Variants in TMEM26 observed in about 807,000 individuals in gnomAD.
TMEM26 encodes transmembrane protein 26.
A neutral mutation model predicts 28.8 loss-of-function variants in TMEM26; 38 were observed. That is an observed-to-expected ratio of 1.32 (90% confidence interval 1.02 to 1.73). TMEM26 has a LOEUF of 1.73. Ranked by LOEUF, TMEM26 falls within the 40% of genes most tolerant of loss-of-function variation. The probability of loss-of-function intolerance (pLI) is 0.00; values close to 1 mark genes in which losing one functional copy is unlikely to be tolerated. For missense variants in TMEM26, 518 were observed against 447.1 expected (o/e 1.16, Z -1.43); for synonymous variants, 227 against 182.9 (o/e 1.24, Z -1.95).
intron 2 of TMEM26, among the ~76,000 whole-genome samples, chr10:61,434,850 TG>T (rs1839978504): frequency 6.6e-6 from 1 of 152,190 alleles, no homozygotes; most frequent in Admixed American, 6.5e-5. Context: ...GGTTACATAT[TG>T]GGGGCTTAAC....
At chr10:61,418,554 G>C (rs1333348999) in intron 4 of TMEM26, among the ~76,000 whole-genome samples, 2 of 152,070 alleles carry the variant, frequency 1.3e-5, no homozygotes, top group Admixed American at 6.6e-5. Context: ...TGTCTAAGTT[G>C]ATTCAAGTTT....
At chr10:61,427,947 T>C (rs193139612) in intron 4 of TMEM26, among the ~76,000 whole-genome samples, 208 of 152,218 alleles carry the variant, frequency 1.4e-3, no homozygotes, top group African/African-American at 4.8e-3. Flanking sequence ...TCAATTTAGA[T>C]TGGATTTTTA....
intron 1 of TMEM26, among the ~76,000 whole-genome samples, chr10:61,439,729 G>A (rs1840061913): frequency 1.3e-5 from 2 of 152,140 alleles, no homozygotes; most frequent in South Asian, 4.1e-4. Context: ...GTGTAGTTAT[G>A]AGGATTAAAT....
At chr10:61,441,142 C>CAT (rs1437923529) in intron 1 of TMEM26, among the ~76,000 whole-genome samples, 2 of 152,112 alleles carry the variant, frequency 1.3e-5, no homozygotes, top group Admixed American at 6.6e-5. Context: ...GTGGAGCCTG[C>CAT]ATATATGAAG....
intron 4 of TMEM26, among the ~76,000 whole-genome samples, chr10:61,422,423 A>T (rs1179150074): frequency 6.6e-6 from 1 of 152,144 alleles, no homozygotes; most frequent in Non-Finnish European, 1.5e-5. Context: ...AGTCTCCATA[A>T]ATTTAAAAAA....
At chr10:61,449,184 T>A (rs923033970) in intron 1 of TMEM26, among the ~76,000 whole-genome samples, 13 of 152,224 alleles carry the variant, frequency 8.5e-5, no homozygotes, top group Admixed American at 8.5e-4. Flanking sequence ...AGTACATATT[T>A]TTTTTAGCTT....
chr10:61,427,284 T>C (rs1334303686), intron 4 of TMEM26, among the ~76,000 whole-genome samples: 1 of 152,036 alleles, frequency 6.6e-6, no homozygotes, highest in African/African-American at 2.4e-5. Flanking sequence ...TCTTGAAACA[T>C]TAAGTGCTCC....
chr10:61,438,396 G>T (rs1350267110), intron 1 of TMEM26, among the ~76,000 whole-genome samples: 1 of 152,184 alleles, frequency 6.6e-6, no homozygotes, highest in Non-Finnish European at 1.5e-5. Context: ...TTCTAGGTAA[G>T]AGGGACAGTA....
intron 1 of TMEM26, among the ~76,000 whole-genome samples, chr10:61,451,090 T>G (rs1254503705): frequency 6.6e-6 from 1 of 152,216 alleles, no homozygotes; most frequent in Non-Finnish European, 1.5e-5. Flanking sequence ...ATTATCTGTC[T>G]GATTTTGAGG....
chr10:61,413,411 C>G, intron 5 of TMEM26, 48 bp downstream of exon 5: 3 of 1,596,058 alleles, frequency 1.9e-6, no homozygotes, highest in Non-Finnish European at 2.6e-6. Context: ...AGTTAATAAT[C>G]AAGAGGTGTA....
At chr10:61,414,219 C>T in intron 4 of TMEM26, 1 of 265,688 alleles carries the variant, frequency 3.8e-6, no homozygotes, top group Non-Finnish European at 5.8e-6. Flanking sequence ...TGTCCTAGAC[C>T]TAGGAAAATG....
chr10:61,450,451 T>C (rs1007522787), intron 1 of TMEM26, among the ~76,000 whole-genome samples: 7 of 152,166 alleles, frequency 4.6e-5, no homozygotes, highest in African/African-American at 1.7e-4. Flanking sequence ...TAGCAGCCCA[T>C]GTTCTGATTT....
intron 1 of TMEM26, among the ~76,000 whole-genome samples, chr10:61,442,646 G>T (rs946995037): frequency 6.6e-6 from 1 of 152,130 alleles, no homozygotes; most frequent in Non-Finnish European, 1.5e-5. Context: ...GATTTTGCAT[G>T]TCCTCCGTAA....
chr10:61,412,460 T>C (rs192171515), intron 5 of TMEM26, among the ~76,000 whole-genome samples: 86 of 152,244 alleles, frequency 5.6e-4, no homozygotes, highest in Admixed American at 2.2e-3. Flanking sequence ...AATATCTCTG[T>C]CCTAAGGATT....
chr10:61,409,119 T>C lies in TMEM26; in HGVS notation c.*1203A>G, dbSNP rs1173687915. On this transcript the variant is annotated 3_prime_UTR_variant, in exon 6 of 6. Transcript: ENST00000399298. ...CACCCGAGCAAATTTTCACACTGTA[T>C]CTTTAAAGGCAAAAATCACTTTAAA... 1 of 152,222 alleles carries C rather than the reference T, an allele frequency of 6.6e-6. No homozygotes were observed. The highest frequency in any genetic ancestry group is 2.1e-4 in the South Asian group (1 of 4,830). 9.4% of individuals were successfully genotyped at this position (152,222 alleles called of 1,614,324 possible). A position where few individuals can be genotyped will look rare whatever the true frequency, so the allele number is the denominator to read the frequency against.
chr10:61,425,296 T>C (rs1019980763), intron 4 of TMEM26, among the ~76,000 whole-genome samples: 10 of 152,266 alleles, frequency 6.6e-5, no homozygotes, highest in African/African-American at 1.7e-4. Flanking sequence ...CTGGGAATTG[T>C]GGGAGTTACA....
At chr10:61,428,672 CTT>C (rs1210874900) in intron 4 of TMEM26, among the ~76,000 whole-genome samples, 15 of 152,046 alleles carry the variant, frequency 9.9e-5, no homozygotes. Context: ...ACATGCAGAG[CTT>C]TTCTGTTCTC....
intron 4 of TMEM26, among the ~76,000 whole-genome samples, chr10:61,422,156 A>C (rs1839760113): frequency 6.6e-6 from 1 of 152,142 alleles, no homozygotes; most frequent in Non-Finnish European, 1.5e-5. Flanking sequence ...AAAATATATG[A>C]AGCAAAAACT....
intron 4 of TMEM26, among the ~76,000 whole-genome samples, chr10:61,424,722 C>A (rs1167067661): frequency 2.0e-5 from 3 of 151,978 alleles, no homozygotes; most frequent in Admixed American, 6.6e-5. Context: ...TAATGACAAA[C>A]AAATAAAACA....
Sources: gnomAD v4.1 joint callset for allele counts (sites outside exome capture counted in the v4.1 genomes callset) on GRCh38, gnomAD v4.1.1 for gene constraint, MANE v1.5 for transcripts, NCBI Gene and HGNC (gene_info 2026-07-23, HGNC 2026-07-21) for gene names.